Variants in MDGA2 observed in about 807,000 individuals in gnomAD.
MDGA2 encodes the protein MAM domain containing glycosylphosphatidylinositol anchor 2.
In MDGA2, 40 loss-of-function variants were observed where a neutral mutation model predicts 117.8. The observed-to-expected ratio is 0.34, with a 90% confidence interval of 0.26 to 0.44. The LOEUF (loss-of-function observed/expected upper bound fraction) is 0.44, where lower values mean the gene tolerates loss of function less well. MDGA2 is among the 20% of genes least tolerant of loss of function. The probability of loss-of-function intolerance (pLI) is 1.00; values close to 1 mark genes in which losing one functional copy is unlikely to be tolerated. For missense variants in MDGA2, 1,123 were observed against 1,250.6 expected (o/e 0.90, Z 1.54); for synonymous variants, 452 against 439.0 (o/e 1.03, Z -0.37).
At chr14:46,912,160 G>A (rs1474249160) in intron 10 of MDGA2, among the ~76,000 whole-genome samples, 1 of 152,136 alleles carries the variant, frequency 6.6e-6, no homozygotes, top group Non-Finnish European at 1.5e-5. Context: ...ATAACCATAT[G>A]ACCTTAAACA....
intron 1 of MDGA2, among the ~76,000 whole-genome samples, chr14:47,656,672 G>A (rs1332020163): frequency 1.3e-5 from 2 of 152,146 alleles, no homozygotes; most frequent in Non-Finnish European, 1.5e-5. Flanking sequence ...ATGGGAGTGG[G>A]CACAAAGTAG....
At chr14:47,507,607 C>T (rs1659194506) in intron 1 of MDGA2, among the ~76,000 whole-genome samples, 1 of 152,144 alleles carries the variant, frequency 6.6e-6, no homozygotes, top group South Asian at 2.1e-4. Flanking sequence ...AATTATCAGA[C>T]ACTAGAAAAA....
chr14:47,377,498 C>A (rs751004524), intron 1 of MDGA2, among the ~76,000 whole-genome samples: 13 of 152,078 alleles, frequency 8.5e-5, no homozygotes, highest in Non-Finnish European at 1.8e-4. Context: ...CCTGGAAAAT[C>A]GGGACACTCC....
intron 15 of MDGA2, among the ~76,000 whole-genome samples, chr14:46,847,480 A>G (rs773657477): frequency 6.6e-6 from 1 of 152,000 alleles, no homozygotes; most frequent in Non-Finnish European, 1.5e-5. Flanking sequence ...ACAATGAAGT[A>G]TTATTTTGGC....
intron 3 of MDGA2, among the ~76,000 whole-genome samples, chr14:47,165,848 A>G (rs1883848290): frequency 6.6e-6 from 1 of 152,162 alleles, no homozygotes; most frequent in Non-Finnish European, 1.5e-5. Flanking sequence ...CCCTTGTCCC[A>G]AACTAATCTC....
intron 3 of MDGA2, chr14:47,200,757 C>T (rs1037018794): frequency 1.0e-5 from 9 of 859,654 alleles, no homozygotes; most frequent in East Asian, 2.5e-5. Context: ...CAGCCAACCT[C>T]GTGAGCCAGG....
At chr14:47,292,929 A>T (rs993041306) in intron 2 of MDGA2, among the ~76,000 whole-genome samples, 3 of 152,078 alleles carry the variant, frequency 2.0e-5, no homozygotes, top group Non-Finnish European at 4.4e-5. Flanking sequence ...TGCTATTCTG[A>T]CCTTGTTGCT....
chr14:47,191,116 C>A (rs1885093210), intron 3 of MDGA2, among the ~76,000 whole-genome samples: 1 of 151,858 alleles, frequency 6.6e-6, no homozygotes, highest in Non-Finnish European at 1.5e-5. Context: ...CTGAATTTAG[C>A]CACTCTAACA....
chr14:47,651,630 T>C (rs1897646985), intron 1 of MDGA2, among the ~76,000 whole-genome samples: 1 of 152,060 alleles, frequency 6.6e-6, no homozygotes. Flanking sequence ...TAGGGAGTTA[T>C]ATGAAGCATG....
intron 1 of MDGA2, among the ~76,000 whole-genome samples, chr14:47,345,793 A>T (rs1890750446): frequency 1.3e-5 from 2 of 152,126 alleles, no homozygotes; most frequent in Admixed American, 6.6e-5. Context: ...TACTGTTTTC[A>T]TTATAAACAC....
At chr14:46,987,088 T>C (rs1254874563) in intron 8 of MDGA2, among the ~76,000 whole-genome samples, 2 of 152,100 alleles carry the variant, frequency 1.3e-5, no homozygotes, top group Non-Finnish European at 2.9e-5. Flanking sequence ...TTCATGATAG[T>C]GACACTAAAA....
chr14:47,469,790 T>C (rs545626849), intron 1 of MDGA2, among the ~76,000 whole-genome samples: 2 of 152,174 alleles, frequency 1.3e-5, no homozygotes, highest in Non-Finnish European at 2.9e-5. Flanking sequence ...AGTGTTCCTA[T>C]TTCTCCACAT....
chr14:47,604,337 G>C (rs1191619754), intron 1 of MDGA2, among the ~76,000 whole-genome samples: 1 of 151,422 alleles, frequency 6.6e-6, no homozygotes, highest in Non-Finnish European at 1.5e-5. Flanking sequence ...TTTTTTAAGA[G>C]ATGGGGTCTT....
At chr14:47,644,218 T>A (rs751970984) in intron 1 of MDGA2, among the ~76,000 whole-genome samples, 2 of 152,170 alleles carry the variant, frequency 1.3e-5, no homozygotes, top group African/African-American at 2.4e-5. Context: ...AAGAGAACTT[T>A]GAAAATGTGA....
chr14:47,663,990 A>C (rs1897896771), intron 1 of MDGA2, among the ~76,000 whole-genome samples: 1 of 152,094 alleles, frequency 6.6e-6, no homozygotes, highest in African/African-American at 2.4e-5. Context: ...TATAAGCATA[A>C]ATTTACCCAT....
chr14:47,149,664 C>T (rs1233906863), intron 3 of MDGA2, among the ~76,000 whole-genome samples: 1 of 152,186 alleles, frequency 6.6e-6, no homozygotes, highest in Non-Finnish European at 1.5e-5. Context: ...GCAGTTTGGG[C>T]ATTTATACTT....
intron 1 of MDGA2, among the ~76,000 whole-genome samples, chr14:47,629,094 A>T (rs1018004345): frequency 1.3e-5 from 2 of 152,016 alleles, no homozygotes; most frequent in Non-Finnish European, 2.9e-5. Flanking sequence ...GCTAACCTCC[A>T]TCTCAGGGCC....
chr14:47,183,979 T>C (rs867279028), intron 3 of MDGA2, among the ~76,000 whole-genome samples: 6 of 152,016 alleles, frequency 3.9e-5, no homozygotes, highest in Admixed American at 1.3e-4. Flanking sequence ...TCTTCCATGA[T>C]AATTCCTCCT....
At chr14:47,471,974 T>A (rs1189682291) in intron 1 of MDGA2, among the ~76,000 whole-genome samples, 1 of 152,132 alleles carries the variant, frequency 6.6e-6, no homozygotes, top group Non-Finnish European at 1.5e-5. Context: ...ATGCTTTTCA[T>A]TCAAGGCAAT....
Sources: allele counts gnomAD v4.1 joint callset (sites outside exome capture counted in the v4.1 genomes callset), GRCh38; gene constraint gnomAD v4.1.1; transcripts MANE v1.5; gene names NCBI Gene and HGNC (gene_info 2026-07-23, HGNC 2026-07-21).